SYN3: variants seen among roughly 807,000 people sequenced by gnomAD.
SYN3 encodes synapsin-3.
A neutral mutation model predicts 65.8 loss-of-function variants in SYN3; 35 were observed. The observed-to-expected ratio is 0.53, with a 90% confidence interval of 0.41 to 0.70. SYN3 has a LOEUF of 0.70. SYN3 is among the 30% of genes least tolerant of loss of function. SYN3 has a pLI of 0.00. For synonymous variants in SYN3, 270 were observed against 292.9 expected, an observed-to-expected ratio of 0.92 and a Z score of 0.80; for missense variants, 680 against 749.0, an observed-to-expected ratio of 0.91 and a Z score of 1.08.
intron 6 of SYN3, among the ~76,000 whole-genome samples, chr22:32,644,681 C>T (rs2059958900): frequency 6.6e-6 from 1 of 152,158 alleles, no homozygotes; most frequent in African/African-American, 2.4e-5. Context: ...CATTCCTTTC[C>T]CTCCTAAACA....
intron 7 of SYN3, among the ~76,000 whole-genome samples, chr22:32,544,974 G>A (rs939744296): frequency 8.5e-5 from 13 of 152,290 alleles, no homozygotes; most frequent in Admixed American, 6.5e-4. Flanking sequence ...TCCATCCAGG[G>A]TACACTTTAC....
rs1364958309 is a variant in SYN3 at position 32,837,672 on chromosome 22, A to G, written c.711+27243T>C. On this transcript the variant is annotated intron_variant, in intron 6 of 13. Transcript: ENST00000358763. The surrounding 1 kb of genome is among the most constrained non-coding windows in gnomAD (Gnocchi z 4.1). The stretch of plus-strand genomic sequence containing the variant: ...CTTGGGGCTTCGGGGGCCTCCTGTC[A>G]ATGGACTGTTTGGACACCCATTTGG... Among the ~76,000 whole-genome samples the G allele has an allele frequency of 6.6e-6, 1 of 152,128 alleles. No individual in the cohort carries two copies. Among genetic ancestry groups the G allele is most frequent in the Non-Finnish European group, 1.5e-5 (1 of 68,022 alleles).
At chr22:32,771,308 T>C (rs1174963268) in intron 6 of SYN3, among the ~76,000 whole-genome samples, 2 of 152,206 alleles carry the variant, frequency 1.3e-5, no homozygotes, top group African/African-American at 4.8e-5. Flanking sequence ...TTGTCCACCA[T>C]GGAGATGTTA....
At chr22:32,969,476 T>C (rs759772700) in intron 3 of SYN3, among the ~76,000 whole-genome samples, 2 of 152,170 alleles carry the variant, frequency 1.3e-5, no homozygotes, top group Non-Finnish European at 2.9e-5. Context: ...AAACATAAAC[T>C]TCATTTGTTT....
chr22:32,730,614 C>T (rs1264381966), intron 6 of SYN3, among the ~76,000 whole-genome samples: 4 of 152,270 alleles, frequency 2.6e-5, no homozygotes, highest in East Asian at 1.9e-4. Context: ...TCAAGTATCC[C>T]GACCTGAATG....
chr22:32,579,456 C>G (rs1444029924), intron 7 of SYN3, among the ~76,000 whole-genome samples: 1 of 152,158 alleles, frequency 6.6e-6, no homozygotes, highest in Non-Finnish European at 1.5e-5. Flanking sequence ...TCCCTCACAC[C>G]TCCTACGTAA....
intron 6 of SYN3, among the ~76,000 whole-genome samples, chr22:32,675,356 A>G (rs893364217): frequency 3.3e-5 from 5 of 152,146 alleles, no homozygotes; most frequent in Non-Finnish European, 7.4e-5. Context: ...AACCACCACC[A>G]AATCTGAGAA....
chr22:32,933,851 A>G (rs575872777), intron 3 of SYN3, among the ~76,000 whole-genome samples: 1 of 152,306 alleles, frequency 6.6e-6, no homozygotes, highest in South Asian at 2.1e-4. Context: ...ATTTAAAGAA[A>G]AAAGTTTACA....
rs543641552 is a variant in SYN3 at position 33,053,117 on chromosome 22, A to C, written c.-163+5175T>G. ...ATGGCTCCATATCCCAAGTATAAAA[A>C]GTCAGGTTAAGAGAGGCTGAGTCGG... On this transcript the variant is annotated intron_variant, in intron 1 of 13. Transcript: ENST00000358763. Among the ~76,000 whole-genome samples, 11 of 152,292 alleles carry C rather than the reference A, an allele frequency of 7.2e-5. No homozygotes were observed. The South Asian group carries it at 2.3e-3, about 32-fold the overall frequency.
chr22:32,978,758 C>T (rs916126695), intron 3 of SYN3, among the ~76,000 whole-genome samples: 6 of 152,308 alleles, frequency 3.9e-5, no homozygotes, highest in Non-Finnish European at 4.4e-5. Flanking sequence ...ATTAAGCTCT[C>T]TGAGCCCAAG....
At chr22:32,667,962 T>A (rs1384442665) in intron 6 of SYN3, among the ~76,000 whole-genome samples, 1 of 151,910 alleles carries the variant, frequency 6.6e-6, no homozygotes, top group Non-Finnish European at 1.5e-5. Context: ...CCCAGCTAAT[T>A]TTTTTGTATT....
At chr22:32,870,006 A>G (rs912011586) in intron 4 of SYN3, among the ~76,000 whole-genome samples, 2 of 152,114 alleles carry the variant, frequency 1.3e-5, no homozygotes, top group Admixed American at 1.3e-4. Flanking sequence ...GGATTCACAC[A>G]TTGTTTGATT....
At chr22:32,594,206 C>G (rs975795991) in intron 7 of SYN3, among the ~76,000 whole-genome samples, 5 of 152,020 alleles carry the variant, frequency 3.3e-5, no homozygotes, top group African/African-American at 1.2e-4. Flanking sequence ...TCCACCCAAG[C>G]AAGAAGTGGG....
chr22:32,645,287 A>G (rs2059966762), intron 6 of SYN3, among the ~76,000 whole-genome samples: 1 of 151,998 alleles, frequency 6.6e-6, no homozygotes, highest in East Asian at 1.9e-4. Context: ...CCCCGTCTCT[A>G]CTACAAATAC....
intron 3 of SYN3, among the ~76,000 whole-genome samples, chr22:32,977,003 G>A (rs527253578): frequency 1.3e-5 from 2 of 151,646 alleles, no homozygotes; most frequent in East Asian, 3.9e-4. Context: ...CTGGGGGGGG[G>A]GTTGCTTGTG....
chr22:32,725,603 A>T (rs553164155), intron 6 of SYN3, among the ~76,000 whole-genome samples: 2 of 152,190 alleles, frequency 1.3e-5, no homozygotes, highest in East Asian at 1.9e-4. Context: ...AGAGGAGGAG[A>T]TGTGATGACT....
At chr22:32,838,798 C>CTCAT (rs764160761) in intron 6 of SYN3, among the ~76,000 whole-genome samples, 9 of 152,066 alleles carry the variant, frequency 5.9e-5, no homozygotes, top group South Asian at 4.2e-4. Flanking sequence ...CTCCCACAGC[C>CTCAT]TCATTCATTC....
At chr22:32,797,405 T>TACAG (rs942785088) in intron 6 of SYN3, among the ~76,000 whole-genome samples, 10 of 152,096 alleles carry the variant, frequency 6.6e-5, no homozygotes, top group African/African-American at 2.2e-4. Context: ...AAGAAGTTGA[T>TACAG]ACAGGGTGTT....
At chr22:32,895,176 T>A (rs2016169) in intron 4 of SYN3, among the ~76,000 whole-genome samples, 16,622 of 152,214 alleles carry the variant, frequency 0.11, 1,406 homozygotes, top group East Asian at 0.44. Flanking sequence ...ATGGAAATGT[T>A]AGATAGTGTG....
Sources: gnomAD v4.1 joint callset for allele counts (sites outside exome capture counted in the v4.1 genomes callset) on GRCh38, gnomAD v4.1.1 for gene constraint, Gnocchi (gnomAD v3.1) non-coding constraint, MANE v1.5 for transcripts, NCBI Gene and HGNC (gene_info 2026-07-23, HGNC 2026-07-21) for gene names.